Variants in CNTN5 observed in about 807,000 individuals in gnomAD.
The protein encoded by CNTN5 is contactin 5, also known as contactin-5.
In CNTN5, 77 loss-of-function variants were observed where a neutral mutation model predicts 129.1. That is an observed-to-expected ratio of 0.60 (90% CI 0.50 to 0.72). The LOEUF is 0.72. CNTN5 is among the 30% of genes least tolerant of loss of function. The pLI is 0.00. For missense variants in CNTN5, 1,478 were observed against 1,328.8 expected (o/e 1.11, Z -1.75); for synonymous variants, 509 against 465.6 (o/e 1.09, Z -1.20).
chr11:100,089,937 A>G (rs1944693426), intron 13 of CNTN5, among the ~76,000 whole-genome samples: 1 of 152,104 alleles, frequency 6.6e-6, no homozygotes, highest in South Asian at 2.1e-4. Flanking sequence ...TAGCTAATGC[A>G]TGCTGGGTTT....
Position 99,424,587 on chromosome 11 carries a change from G to A in CNTN5, c.-71+99103G>A, listed in dbSNP as rs188916458. ...ATGTGAGGCTGCAGCTGGGCCAGAC[G>A]TAATGTAAGTGGCATGCACTGTGAG... On this transcript the variant is annotated intron_variant, in intron 2 of 24. Transcript: ENST00000524871. Among the ~76,000 whole-genome samples, 1,054 of 152,366 alleles carry A rather than the reference G, an allele frequency of 6.9e-3. 7 individuals are homozygous for A. The highest frequency in any genetic ancestry group is 0.019 in the South Asian group (93 of 4,832).
intron 13 of CNTN5, among the ~76,000 whole-genome samples, chr11:100,126,781 T>G (rs1272277464): frequency 6.6e-6 from 1 of 152,148 alleles, no homozygotes; most frequent in Non-Finnish European, 1.5e-5. Flanking sequence ...TCGTTTACCT[T>G]CAAGGTTAAT....
intron 4 of CNTN5, among the ~76,000 whole-genome samples, chr11:99,833,385 A>G (rs902972045): frequency 1.3e-5 from 2 of 152,158 alleles, no homozygotes; most frequent in Non-Finnish European, 1.5e-5. Context: ...AGTGATATGC[A>G]TTCAGTAGAA....
intron 2 of CNTN5, among the ~76,000 whole-genome samples, chr11:99,552,213 G>GT (rs1948511734): frequency 1.4e-5 from 2 of 146,364 alleles, no homozygotes; most frequent in East Asian, 2.2e-4. Context: ...GTCAGTTTTT[G>GT]TGTTTTTTTT....
intron 13 of CNTN5, among the ~76,000 whole-genome samples, chr11:100,129,654 C>T (rs1030847660): frequency 6.6e-6 from 1 of 151,962 alleles, no homozygotes; most frequent in Non-Finnish European, 1.5e-5. Context: ...TTTAAATTGA[C>T]CAGTATGAAA....
chr11:99,773,928 C>G (rs1458587851), intron 3 of CNTN5, among the ~76,000 whole-genome samples: 1 of 152,050 alleles, frequency 6.6e-6, no homozygotes. Context: ...GCAACTATTG[C>G]AGCTTTTCAT....
chr11:99,123,620 G>T (rs1044130664), intron 1 of CNTN5, among the ~76,000 whole-genome samples: 1 of 147,818 alleles, frequency 6.8e-6, no homozygotes, highest in Non-Finnish European at 1.5e-5. Flanking sequence ...CAAGTTCTAT[G>T]CCCAGAATGT....
intron 3 of CNTN5, among the ~76,000 whole-genome samples, chr11:99,701,122 C>T (rs1225862393): frequency 6.6e-6 from 1 of 151,362 alleles, no homozygotes; most frequent in East Asian, 1.9e-4. Context: ...TACCTATGTG[C>T]TGATTCACTG....
chr11:99,292,481 C>T (rs1286262435), intron 1 of CNTN5, among the ~76,000 whole-genome samples: 1 of 151,930 alleles, frequency 6.6e-6, no homozygotes, highest in Admixed American at 6.6e-5. Context: ...TGTCGAATTG[C>T]TCTGGCTAGG....
intron 8 of CNTN5, among the ~76,000 whole-genome samples, chr11:99,973,191 G>A (rs1937693309): frequency 6.6e-6 from 1 of 152,046 alleles, no homozygotes; most frequent in South Asian, 2.1e-4. Context: ...AGCATCACTA[G>A]GAATTTTTAT....
chr11:99,745,142 A>G (rs893814670), intron 3 of CNTN5, among the ~76,000 whole-genome samples: 1 of 152,188 alleles, frequency 6.6e-6, no homozygotes, highest in African/African-American at 2.4e-5. Flanking sequence ...TGGTTTGGAA[A>G]CGATTCCCTG....
chr11:99,159,764 T>C (rs930155255), intron 1 of CNTN5, among the ~76,000 whole-genome samples: 1 of 152,216 alleles, frequency 6.6e-6, no homozygotes, highest in Non-Finnish European at 1.5e-5. Context: ...TCAGCTCTAC[T>C]GGTAAATTAT....
At chr11:99,950,043 G>T (rs1035035444) in intron 7 of CNTN5, among the ~76,000 whole-genome samples, 1 of 152,248 alleles carries the variant, frequency 6.6e-6, no homozygotes, top group South Asian at 2.1e-4. Flanking sequence ...ATAAAAAAGA[G>T]AAAATTATTA....
intron 2 of CNTN5, among the ~76,000 whole-genome samples, chr11:99,468,913 A>G (rs1651245635): frequency 6.6e-6 from 1 of 152,080 alleles, no homozygotes; most frequent in Admixed American, 6.6e-5. Flanking sequence ...ACATGTTAAT[A>G]GCATCTATTT....
intron 18 of CNTN5, among the ~76,000 whole-genome samples, chr11:100,289,371 G>A (rs1950892443): frequency 6.6e-6 from 1 of 151,748 alleles, no homozygotes. Context: ...TAAAATACTG[G>A]CAAACCGAAT....
At chr11:99,158,449 C>T (rs1254663121) in intron 1 of CNTN5, among the ~76,000 whole-genome samples, 1 of 151,984 alleles carries the variant, frequency 6.6e-6, no homozygotes, top group Non-Finnish European at 1.5e-5. Flanking sequence ...TATTTTATTC[C>T]TTATTATTTC....
chr11:100,255,871 T>C lies in CNTN5; in HGVS notation c.2117T>C (p.Leu706Pro), dbSNP rs1374417829. The C allele has an allele frequency of 6.2e-7, 1 of 1,613,854 alleles. No homozygotes were observed. The highest frequency in any genetic ancestry group is 8.5e-7 in the Non-Finnish European group (1 of 1,179,834). ...CACAGCCCAATCTCCTCCTACAACC[T>C]TCAAGCTCGCAGCCCATTTTCCCTG... ...DNHSPISSYN[L>P]QARSPFSLGW... Residue 706 changes from leucine to proline, a missense_variant, in exon 17 of 25, where the codon CTT becomes CCT. Leu to Pro is a moderately conservative substitution (Grantham distance 98, BLOSUM62 -3). Transcript: ENST00000524871.
chr11:99,231,446 A>G (rs1265212256), intron 1 of CNTN5, among the ~76,000 whole-genome samples: 3 of 152,076 alleles, frequency 2.0e-5, no homozygotes, highest in African/African-American at 4.8e-5. Context: ...ATAAACGTCT[A>G]TTTTTGAGAA....
chr11:99,762,570 A>G (rs896919564), intron 3 of CNTN5, among the ~76,000 whole-genome samples: 1 of 151,936 alleles, frequency 6.6e-6, no homozygotes, highest in Non-Finnish European at 1.5e-5. Context: ...AAGATCAGAT[A>G]GTTGTAGATA....
Sources: gnomAD v4.1 joint callset for allele counts (sites outside exome capture counted in the v4.1 genomes callset) on GRCh38, gnomAD v4.1.1 for gene constraint, MANE v1.5 for transcripts, NCBI Gene and HGNC (gene_info 2026-07-23, HGNC 2026-07-21) for gene names.